Variants in TAF4 observed in about 807,000 individuals in gnomAD.
TAF4 encodes TATA-box binding protein associated factor 4.
TAF4 carries 9 observed loss-of-function variants against 90.3 expected under a neutral mutation model. The observed-to-expected ratio is 0.10, with a 90% confidence interval of 0.06 to 0.17. The LOEUF is 0.17. TAF4 is among the 10% of genes least tolerant of loss of function. TAF4 has a pLI of 1.00. For synonymous variants in TAF4, 818 were observed against 638.9 expected (o/e 1.28, Z -4.23); for missense variants, 1,351 against 1,370.7 (o/e 0.99, Z 0.23).
intron 1 of TAF4, among the ~76,000 whole-genome samples, chr20:62,017,833 C>CA (rs1477989554): frequency 3.3e-5 from 4 of 121,664 alleles, no homozygotes; most frequent in Non-Finnish European, 5.2e-5. Context: ...GAGTCCACCT[C>CA]AAAAAAAAAG....
intron 1 of TAF4, among the ~76,000 whole-genome samples, chr20:62,028,553 G>A (rs1207252168): frequency 3.3e-5 from 5 of 152,108 alleles, no homozygotes; most frequent in Non-Finnish European, 7.4e-5. Context: ...AGAACACTGC[G>A]GGGCGACTGT....
chr20:62,032,289 T>C (rs752717786), intron 1 of TAF4, among the ~76,000 whole-genome samples: 1 of 152,202 alleles, frequency 6.6e-6, no homozygotes, highest in Non-Finnish European at 1.5e-5. Context: ...TGAGCTACCA[T>C]CTCAGCAGTT....
At chr20:62,029,096 T>C (rs1213248506) in intron 1 of TAF4, among the ~76,000 whole-genome samples, 2 of 150,896 alleles carry the variant, frequency 1.3e-5, no homozygotes, top group African/African-American at 4.9e-5. Context: ...CTCAGGAGGC[T>C]GAGGCAGGAG....
Position 62,006,546 on chromosome 20 carries a change from C to A in TAF4, c.2187G>T (p.Gln729His). The A allele has an allele frequency of 1.9e-6, 3 of 1,561,556 alleles. No individual in the cohort carries two copies. Among genetic ancestry groups the A allele is most frequent in the Middle Eastern group, 4.1e-4 (2 of 4,882 alleles). ...PPVLSLTQPT[Q>H]VGVGKQGQPT... is the part of the protein sequence containing the mutation. ...GTTGCCCCTGCTTGCCGACGCCGAC[C>A]TGCGTGGGCTGCGTGAGGCTGAGCA... The change falls in exon 7 of 15, where the codon CAG becomes CAT. Residue 729 changes from glutamine to histidine, a missense_variant. By Grantham distance (24) the Gln-to-His change is conservative. This residue lies in a region of TAF4 where 202 missense variants were observed against 229.7 expected (regional missense o/e 0.88). Coordinates refer to ENST00000252996, the MANE Select transcript of TAF4 (RefSeq NM_003185.4). The surrounding 1 kb of genome is among the most constrained non-coding windows in gnomAD (Gnocchi z 7.0).
chr20:62,064,365 G>A, intron 1 of TAF4, 86 bp downstream of exon 1: 2 of 1,258,564 alleles, frequency 1.6e-6, no homozygotes, highest in Non-Finnish European at 1.0e-6. Context: ...GATGACCTTA[G>A]CATTCCACCA....
chr20:62,056,692 C>T (rs1418471149), intron 1 of TAF4, among the ~76,000 whole-genome samples: 1 of 152,114 alleles, frequency 6.6e-6, no homozygotes, highest in Non-Finnish European at 1.5e-5. Context: ...AGATATGCAG[C>T]AGACACAGGC....
chr20:61,986,926 T>TG (rs2055596375), intron 14 of TAF4, among the ~76,000 whole-genome samples: 1 of 152,242 alleles, frequency 6.6e-6, no homozygotes, highest in South Asian at 2.1e-4. Flanking sequence ...GCAGCGTCCT[T>TG]GCGAATGCCC....
At chr20:61,994,427 A>G (rs78165909) in intron 14 of TAF4, among the ~76,000 whole-genome samples, 3,254 of 152,346 alleles carry the variant, frequency 0.021, 127 homozygotes, top group African/African-American at 0.074. Context: ...TATTTTATCT[A>G]TATCTCACAC....
intron 5 of TAF4, chr20:62,008,156 CA>C: frequency 6.5e-6 from 1 of 152,852 alleles, no homozygotes; most frequent in Non-Finnish European, 1.5e-5. Context: ...TACAGTCAGA[CA>C]AAAGGGAGCC....
intron 2 of TAF4, 85 bp from the exon 3 acceptor site, chr20:62,013,019 T>A: frequency 1.3e-6 from 2 of 1,559,524 alleles, no homozygotes; most frequent in South Asian, 2.4e-5. Context: ...TCCTTCCATA[T>A]GTAACTAGTA....
At chr20:62,007,700 G>A (rs991187261) in intron 5 of TAF4, 64 bp from the exon 6 acceptor site, 14 of 1,448,486 alleles carry the variant, frequency 9.7e-6, no homozygotes, top group East Asian at 4.6e-5. Flanking sequence ...TCTGAATCCC[G>A]CATCACTCTG....
rs752070526 is a variant in TAF4 at position 62,014,721 on chromosome 20, A to G, written c.1361-14T>C. ...CGAGGACCATTCCTGCAGACAAAGG[A>G]GACCTGGCGTCAGGAACGCAACCAC... On this transcript the variant is annotated splice_polypyrimidine_tract_variant and intron_variant, in intron 1 of 14. Coordinates refer to ENST00000252996, the MANE Select transcript of TAF4 (RefSeq NM_003185.4). 3 of 1,611,752 alleles carry G rather than the reference A, an allele frequency of 1.9e-6. No homozygotes were observed. Among genetic ancestry groups the G allele is most frequent in the African/African-American group, 1.3e-5 (1 of 74,972 alleles).
chr20:62,065,587 G>C lies in TAF4; in HGVS notation c.224C>G (p.Pro75Arg). 6 of 982,638 alleles carry C rather than the reference G, an allele frequency of 6.1e-6. No homozygotes were observed. Among genetic ancestry groups the C allele is most frequent in the East Asian group, 1.2e-4 (1 of 8,584 alleles). The allele number at this position is 982,638 out of a possible 1,614,324, so 60.9% of individuals were successfully genotyped here. A position where few individuals can be genotyped will look rare whatever the true frequency, so the allele number is the denominator to read the frequency against. ...GGGCGCGCCCTCGGCGGGGGCGGCC[G>C]GCCCTGCGCCCGCGGCTCCGGCCGG... ...GSPAGAAGAG[P>R]AAPAEGAPGA... The change falls in exon 1 of 15, where the codon CCG becomes CGG. Residue 75 changes from proline to arginine, a missense_variant. Pro to Arg is a moderately radical substitution (Grantham distance 103). This residue lies in a region of TAF4 where 782 missense variants were observed against 536.6 expected (regional missense o/e 1.46). Transcript: ENST00000252996.
intron 1 of TAF4, among the ~76,000 whole-genome samples, chr20:62,062,457 T>C (rs187598503): frequency 6.6e-6 from 1 of 152,088 alleles, no homozygotes; most frequent in Non-Finnish European, 1.5e-5. Context: ...AAATTCCTCA[T>C]CAGTAGATCA....
chr20:62,060,182 T>G (rs731657), intron 1 of TAF4, among the ~76,000 whole-genome samples: 2 of 152,100 alleles, frequency 1.3e-5, no homozygotes, highest in Non-Finnish European at 2.9e-5. Flanking sequence ...CTCTCTGCCC[T>G]GGGAGAAGGC....
At chr20:61,983,655 C>T (rs916044137) in intron 14 of TAF4, among the ~76,000 whole-genome samples, 2 of 152,080 alleles carry the variant, frequency 1.3e-5, no homozygotes, top group Non-Finnish European at 2.9e-5. Flanking sequence ...ACAGTGAAAC[C>T]ATGTCTCAAA....
intron 5 of TAF4, chr20:62,008,220 A>C (rs542171235): frequency 1.3e-5 from 2 of 152,694 alleles, no homozygotes; most frequent in Admixed American, 1.3e-4. Context: ...TGTGGAATAA[A>C]GGTCGGGAAG....
At chr20:62,029,477 C>T (rs1218147832) in intron 1 of TAF4, among the ~76,000 whole-genome samples, 5 of 104,592 alleles carry the variant, frequency 4.8e-5, no homozygotes, top group Non-Finnish European at 7.8e-5. Flanking sequence ...TGCCCACGTG[C>T]GCGCGCGCGC....
At chr20:62,063,689 G>A (rs2056103211) in intron 1 of TAF4, among the ~76,000 whole-genome samples, 1 of 152,216 alleles carries the variant, frequency 6.6e-6, no homozygotes, top group African/African-American at 2.4e-5. Flanking sequence ...CGAGGGGGCA[G>A]CAACCAGAGT....
Sources: allele counts gnomAD v4.1 joint callset (sites outside exome capture counted in the v4.1 genomes callset), GRCh38; gene constraint gnomAD v4.1.1; regional missense constraint gnomAD v4.1.1; non-coding constraint Gnocchi (gnomAD v3.1); transcripts MANE v1.5; gene names NCBI Gene and HGNC (gene_info 2026-07-23, HGNC 2026-07-21).